Variants in NMU observed in about 807,000 individuals in gnomAD.
NMU encodes the protein neuromedin-U.
NMU carries 29 observed loss-of-function variants against 35.4 expected under a neutral mutation model. The observed-to-expected ratio is 0.82, with a 90% CI of 0.61 to 1.12. The LOEUF is 1.12. NMU is among the 50% of genes most tolerant of loss of function. NMU has a pLI of 0.00. For synonymous variants in NMU, 78 were observed against 81.3 expected (o/e 0.96, Z 0.22); for missense variants, 199 against 206.2 (o/e 0.97, Z 0.21).
rs1715691029 is a variant in NMU at position 55,632,968 on chromosome 4, T to C, written c.113-2508A>G. 2.7e-5 allele frequency among the ~76,000 whole-genome samples: 3 copies of C among 109,558 alleles called. No homozygotes were observed. In the South Asian group the frequency reaches 9.9e-4, roughly 36 times the overall value. The allele number at this position is 109,558 out of a possible 152,430, so 71.9% of individuals were successfully genotyped here. A position where few individuals can be genotyped will look rare whatever the true frequency, so the allele number is the denominator to read the frequency against. On this transcript the variant is annotated intron_variant, in intron 1 of 9. Coordinates refer to ENST00000264218, the MANE Select transcript of NMU (RefSeq NM_006681.4). ...AAAACACGTAAACACAGTTTCACTG[T>C]GGAAAAAAAAAAAAAAGGAGAGGAA... is the stretch of plus-strand genomic sequence containing the variant.
intron 6 of NMU, among the ~76,000 whole-genome samples, chr4:55,606,353 A>G (rs374054498): frequency 4.3e-4 from 65 of 152,350 alleles, no homozygotes; most frequent in African/African-American, 1.5e-3. Flanking sequence ...CCATGCATAC[A>G]AAAAGAAAAA....
chr4:55,609,382 C>T (rs1190440908), intron 3 of NMU, among the ~76,000 whole-genome samples: 1 of 122,446 alleles, frequency 8.2e-6, no homozygotes. Flanking sequence ...TCCTTCTAAC[C>T]AGAAAAAAAA....
rs541421567 is a variant in NMU, at chr4:55,602,265, C to T, written c.436-1690G>A. Reference sequence around the variant, plus strand: ...AGAAAAGTGTTTTAAAATCTAAAACCTCATTTCTTCAAGAATTCAAAATAT... The same window carrying T: ...AGAAAAGTGTTTTAAAATCTAAAACTTCATTTCTTCAAGAATTCAAAATAT... On this transcript the variant is annotated intron_variant, in intron 7 of 9. Coordinates refer to ENST00000264218, the MANE Select transcript of NMU (RefSeq NM_006681.4). Among the ~76,000 whole-genome samples the T allele has an allele frequency of 2.0e-5, 3 of 152,190 alleles. No homozygotes were observed. The South Asian group carries it at 6.2e-4, about 32-fold the overall frequency.
chr4:55,610,422 C>G (rs1733879144), intron 3 of NMU, among the ~76,000 whole-genome samples: 1 of 150,946 alleles, frequency 6.6e-6, no homozygotes, highest in African/African-American at 2.4e-5. Context: ...GAGATCTCGA[C>G]ACTGCACTCC....
chr4:55,603,955 GTGTATATATATACGTATATA>G (rs1733545916), intron 7 of NMU, among the ~76,000 whole-genome samples: 1 of 111,536 alleles, frequency 9.0e-6, no homozygotes. Context: ...ATGTATATAT[GTGTATATATATACGTATATA>G]TGTATATATG....
chr4:55,604,704 TGTA>T (rs1733607923), intron 7 of NMU, among the ~76,000 whole-genome samples: 38 of 139,574 alleles, frequency 2.7e-4, no homozygotes, highest in Non-Finnish European at 3.5e-4. Flanking sequence ...TTTTTTTTTT[TGTA>T]TTTTTAGTAG....
chr4:55,617,630 A>G (rs1240533090), intron 2 of NMU, among the ~76,000 whole-genome samples: 1 of 141,672 alleles, frequency 7.1e-6, no homozygotes, highest in Non-Finnish European at 1.5e-5. Flanking sequence ...GTGGGGGGGA[A>G]AAAAGTGAAT....
intron 3 of NMU, among the ~76,000 whole-genome samples, chr4:55,615,815 T>C (rs1171948538): frequency 6.6e-6 from 1 of 152,122 alleles, no homozygotes; most frequent in African/African-American, 2.4e-5. Flanking sequence ...CCTGTGTCTG[T>C]TGTTCCCCTC....
intron 9 of NMU, among the ~76,000 whole-genome samples, chr4:55,597,493 C>T (rs1023278645): frequency 6.6e-6 from 1 of 151,940 alleles, no homozygotes; most frequent in Non-Finnish European, 1.5e-5. Flanking sequence ...CTCAGCCTCC[C>T]GAGTAGCTGG....
intron 7 of NMU, among the ~76,000 whole-genome samples, chr4:55,603,023 A>T (rs1211544570): frequency 6.6e-6 from 1 of 152,052 alleles, no homozygotes; most frequent in Non-Finnish European, 1.5e-5. Context: ...TTTGAGATGG[A>T]GTCTTGCTCT....
At chr4:55,633,011 T>A (rs1161900699) in intron 1 of NMU, among the ~76,000 whole-genome samples, 1 of 143,190 alleles carries the variant, frequency 7.0e-6, no homozygotes, top group African/African-American at 2.6e-5. Context: ...TAAAAAAAAA[T>A]TCTATAATTT....
chr4:55,618,813 T>A (rs572471118), intron 2 of NMU, among the ~76,000 whole-genome samples: 1 of 150,876 alleles, frequency 6.6e-6, no homozygotes, highest in East Asian at 1.9e-4. Context: ...TTTTCTTCTC[T>A]TTCTTCTCTC....
At chr4:55,627,761 AAG>A (rs1734592189) in intron 2 of NMU, among the ~76,000 whole-genome samples, 1 of 152,224 alleles carries the variant, frequency 6.6e-6, no homozygotes, top group Non-Finnish European at 1.5e-5. Context: ...CTAATAGTTC[AAG>A]AGCAAGAAGT....
intron 8 of NMU, among the ~76,000 whole-genome samples, chr4:55,600,027 G>A (rs776290490): frequency 6.6e-6 from 1 of 152,044 alleles, no homozygotes; most frequent in Non-Finnish European, 1.5e-5. Context: ...AAGTGTAGCT[G>A]CCTAGAAAAA....
chr4:55,598,089 G>GTTTTTTTTTTTTTTTTTTTTTTTGT (rs10588154), intron 9 of NMU, among the ~76,000 whole-genome samples: 1 of 85,392 alleles, frequency 1.2e-5, no homozygotes, highest in Non-Finnish European at 2.2e-5. Flanking sequence ...TTTGGTTGTG[G>GTTTTTTTTTTTTTTTTTTTTTTTGT]TTTTTTTTTT....
intron 9 of NMU, among the ~76,000 whole-genome samples, chr4:55,598,874 G>A (rs1733310661): frequency 6.6e-6 from 1 of 152,074 alleles, no homozygotes; most frequent in African/African-American, 2.4e-5. Flanking sequence ...CATTACTATT[G>A]TGACATAGTC....
At chr4:55,595,579 C>T (rs1380801722) in intron 9 of NMU, among the ~76,000 whole-genome samples, 168 bp from the exon 10 acceptor site, 1 of 144,938 alleles carries the variant, frequency 6.9e-6, no homozygotes, top group African/African-American at 2.5e-5. Context: ...CACACACACA[C>T]ACACATGCAC....
In NMU at chr4:55,627,001, C is replaced by T. The variant is rs542145893; in HGVS notation, c.171+3401G>A. 5.3e-5 allele frequency among the ~76,000 whole-genome samples: 8 copies of T among 152,316 alleles called. No homozygotes were observed. In the East Asian group the frequency reaches 9.6e-4, roughly 18 times the overall value. On this transcript the variant is annotated intron_variant, in intron 2 of 9. Transcript: ENST00000264218. ...GCAAAGGCATTCATCCACCAACTCC[C>T]TTTGGTCCTCAACTGGGGTCTGCTG...
chr4:55,610,767 T>C (rs1733899786), intron 3 of NMU, among the ~76,000 whole-genome samples: 3 of 152,224 alleles, frequency 2.0e-5, no homozygotes, highest in Admixed American at 2.0e-4. Flanking sequence ...CATAAGGGCA[T>C]GTCAGTCAAT....
Sources: allele counts gnomAD v4.1 joint callset (sites outside exome capture counted in the v4.1 genomes callset), GRCh38; gene constraint gnomAD v4.1.1; transcripts MANE v1.5; gene names NCBI Gene and HGNC (gene_info 2026-07-23, HGNC 2026-07-21).